Variants in FADS3 observed in about 807,000 individuals in gnomAD.
FADS3 encodes fatty acid desaturase 3, also known as cytochrome b5-related protein.
FADS3 carries 30 observed loss-of-function variants against 60.4 expected under a neutral mutation model. The ratio of observed to expected loss-of-function variants is 0.50; its 90% CI spans 0.37 to 0.67. The LOEUF (loss-of-function observed/expected upper bound fraction) is 0.67, where lower values mean the gene tolerates loss of function less well. Among genes scored for constraint, FADS3 ranks in the 30% least tolerant of loss-of-function variants. The probability of loss-of-function intolerance (pLI) is 0.00; values close to 1 mark genes in which losing one functional copy is unlikely to be tolerated. For missense variants in FADS3, 432 were observed against 598.3 expected, an observed-to-expected ratio of 0.72 and a Z score of 2.90; for synonymous variants, 234 against 249.3, an observed-to-expected ratio of 0.94 and a Z score of 0.58.
Position 61,879,390 on chromosome 11 carries a change from C to T in FADS3, c.444G>A (p.Leu148=). Residue 148 remains leucine, a synonymous_variant, in exon 3 of 12, where the codon CTG becomes CTA. Coordinates refer to ENST00000278829, the MANE Select transcript of FADS3 (RefSeq NM_021727.5). ...LLGHILAMEV[L]AWLLIYLLGP... is the part of the protein sequence containing the mutation. The stretch of plus-strand genomic sequence containing the variant: ...CCAGGAGGTAGATAAGGAGCCAGGC[C>T]AGCACCTCCATGGCCAGGATGTGGC... 3 of 1,583,004 alleles carry T rather than the reference C, an allele frequency of 1.9e-6. No individual in the cohort carries two copies. Among genetic ancestry groups the T allele is most frequent in the Non-Finnish European group, 2.6e-6 (3 of 1,165,160 alleles).
chr11:61,878,391 G>A (rs1261552447), intron 5 of FADS3, 121 bp downstream of exon 5: 23 of 1,452,682 alleles, frequency 1.6e-5, no homozygotes, highest in Non-Finnish European at 2.1e-5. Flanking sequence ...GGCAGAGCTT[G>A]GCCCAGCCAG....
Position 61,877,330 on chromosome 11 carries a change from G to A in FADS3, c.885+181C>T. ...CCCCCCACCACACGTACAGTCACGG[G>A]CACACTCGCTCTCCTGCTGCGCGCA... On this transcript the variant is annotated intron_variant, in intron 7 of 11. Coordinates refer to ENST00000278829, the MANE Select transcript of FADS3 (RefSeq NM_021727.5). This position sits in a 1 kb window ranked among gnomAD's most constrained non-coding sequence, Gnocchi z 4.7. The A allele has an allele frequency of 1.8e-6, 1 of 558,372 alleles. No individual in the cohort carries two copies. Among genetic ancestry groups the A allele is most frequent in the Non-Finnish European group, 3.1e-6 (1 of 317,500 alleles). The allele number at this position is 558,372 out of a possible 1,614,324, so 34.6% of individuals were successfully genotyped here.
chr11:61,878,199 C>T lies in FADS3; in HGVS notation c.764G>A (p.Arg255His), dbSNP rs770308115. The change falls in exon 6 of 12, where the codon CGC becomes CAC. Residue 255 changes from arginine to histidine, a missense_variant. Arg to His is a conservative substitution (Grantham distance 29, BLOSUM62 0). Coordinates refer to ENST00000278829, the MANE Select transcript of FADS3 (RefSeq NM_021727.5). ...ESSVEYGKKK[R>H]RYLPYNQQHL... ...CTGCTGGTTGTAGGGTAGGTATCTG[C>T]GTTTCTTCTTGCCATACTGTGGAGA... The T allele has an allele frequency of 6.8e-6, 11 of 1,614,152 alleles. No individual in the cohort carries two copies. The highest frequency in any genetic ancestry group is 8.5e-6 in the Non-Finnish European group (10 of 1,180,010).
chr11:61,891,425 C>T lies in FADS3; in HGVS notation c.-44G>A. ...GGGGATCCCAGGCGGTGGCCGAGGTCCGAGCAAGACCCCGAGGGAAGCGAA... is the reference window on the plus strand; with the variant it reads ...GGGGATCCCAGGCGGTGGCCGAGGTTCGAGCAAGACCCCGAGGGAAGCGAA... On this transcript the variant is annotated 5_prime_UTR_variant, in exon 1 of 12. Transcript: ENST00000278829. 1 of 1,324,368 alleles carries T rather than the reference C, an allele frequency of 7.6e-7. No homozygotes were observed. The highest frequency in any genetic ancestry group is 9.7e-7 in the Non-Finnish European group (1 of 1,029,236). The allele number at this position is 1,324,368 out of a possible 1,614,324, so 82.0% of individuals were successfully genotyped here. A position where few individuals can be genotyped will look rare whatever the true frequency, so the allele number is the denominator to read the frequency against.
Position 61,873,774 on chromosome 11 carries a change from T to C in FADS3, c.*40A>G, listed in dbSNP as rs1454837259. On this transcript the variant is annotated 3_prime_UTR_variant, in exon 12 of 12. Coordinates refer to ENST00000278829, the MANE Select transcript of FADS3 (RefSeq NM_021727.5). ...TCCCGCCGGGGGCTGGCTTGGTTGC[T>C]GGTGCCCTGAGCCCTTCTCTGCCCG... 1.3e-6 allele frequency: 2 copies of C among 1,568,048 alleles called. No individual in the cohort carries two copies. Among genetic ancestry groups the C allele is most frequent in the Non-Finnish European group, 1.7e-6 (2 of 1,146,964 alleles).
In FADS3 at chr11:61,879,641, C is replaced by T. The variant is rs1938050534; in HGVS notation, c.325-132G>A. The T allele has an allele frequency of 5.7e-6, 5 of 875,612 alleles. No individual in the cohort carries two copies. In the South Asian group the frequency reaches 8.3e-5, roughly 15 times the overall value. The allele number at this position is 875,612 out of a possible 1,614,324, so 54.2% of individuals were successfully genotyped here. A position where few individuals can be genotyped will look rare whatever the true frequency, so the allele number is the denominator to read the frequency against. On this transcript the variant is annotated intron_variant, in intron 2 of 11. Transcript: ENST00000278829. ...AAAGAGGAATGAAGTGACAAGAGTA[C>T]CCAGCCCGGGGTGTGAGCTGGAGCA... is the stretch of plus-strand genomic sequence containing the variant.
At chr11:61,888,177 T>A (rs969619688) in intron 1 of FADS3, among the ~76,000 whole-genome samples, 73 of 152,330 alleles carry the variant, frequency 4.8e-4, no homozygotes, top group African/African-American at 1.4e-3. Flanking sequence ...CCCGGCCTTG[T>A]GTCCCAAGAT....
At chr11:61,888,626 C>A (rs905258854) in intron 1 of FADS3, among the ~76,000 whole-genome samples, 1 of 152,202 alleles carries the variant, frequency 6.6e-6, no homozygotes, top group Non-Finnish European at 1.5e-5. Context: ...GGTAGCCGTG[C>A]AGGGCTGTCC....
chr11:61,878,127 C>T (rs779549009), intron 6 of FADS3, 28 bp downstream of exon 6: 5 of 1,608,250 alleles, frequency 3.1e-6, no homozygotes, highest in South Asian at 1.1e-5. Flanking sequence ...GGCACTCCCC[C>T]ACCCCAGAAG....
chr11:61,886,955 C>T (rs187415048), intron 1 of FADS3, among the ~76,000 whole-genome samples: 202 of 152,278 alleles, frequency 1.3e-3, no homozygotes, highest in Non-Finnish European at 2.2e-3. Flanking sequence ...TGGATTTTCC[C>T]ACAGTTGTTA....
intron 11 of FADS3, among the ~76,000 whole-genome samples, chr11:61,874,499 T>A (rs1162722311): frequency 6.6e-6 from 1 of 152,226 alleles, no homozygotes; most frequent in Non-Finnish European, 1.5e-5. Context: ...CTGAGCCCCA[T>A]CACCCCTCGC....
At chr11:61,889,679 C>G (rs1458947902) in intron 1 of FADS3, among the ~76,000 whole-genome samples, 1 of 150,986 alleles carries the variant, frequency 6.6e-6, no homozygotes, top group East Asian at 2.0e-4. Flanking sequence ...TTTTCTGTAT[C>G]CATACTGTCC....
intron 1 of FADS3, chr11:61,890,120 TC>T (rs68112215): frequency 0.59 from 86,757 of 147,986 alleles, 28,198 homozygotes; most frequent in Non-Finnish European, 0.74. Context: ...CAAGGCGTTC[TC>T]TTTTTTTTTT....
intron 1 of FADS3, among the ~76,000 whole-genome samples, chr11:61,889,653 T>C (rs995679000): frequency 6.6e-6 from 1 of 150,822 alleles, no homozygotes; most frequent in Non-Finnish European, 1.5e-5. Flanking sequence ...TCTCCGGCGG[T>C]TGGTGGGGAG....
At chr11:61,879,590 C>T in intron 2 of FADS3, 81 bp from the exon 3 acceptor site, 1 of 1,356,754 alleles carries the variant, frequency 7.4e-7, no homozygotes, top group South Asian at 1.3e-5. Context: ...CCGCTCCTCC[C>T]ATCGCCAGGC....
chr11:61,886,377 G>C (rs1938318519), intron 1 of FADS3: 1 of 152,306 alleles, frequency 6.6e-6, no homozygotes, highest in Admixed American at 6.5e-5. Flanking sequence ...CACAAGGAAG[G>C]AGCAAGGCAC....
At chr11:61,886,557 T>C (rs1460242530) in intron 1 of FADS3, among the ~76,000 whole-genome samples, 1 of 152,096 alleles carries the variant, frequency 6.6e-6, no homozygotes, top group Non-Finnish European at 1.5e-5. Context: ...AACCAACTCC[T>C]GTGGCCTCAG....
intron 3 of FADS3, 75 bp from the exon 4 acceptor site, chr11:61,878,922 T>G (rs1268581288): frequency 8.0e-7 from 1 of 1,250,638 alleles, no homozygotes; most frequent in Non-Finnish European, 1.1e-6. Context: ...AGTGAATCCT[T>G]TCAGCTTGCA....
chr11:61,889,931 G>C (rs1013765778), intron 1 of FADS3, among the ~76,000 whole-genome samples: 11 of 152,198 alleles, frequency 7.2e-5, no homozygotes, highest in Non-Finnish European at 1.2e-4. Context: ...GGCTCAGCAA[G>C]GCCTTTGGGG....
Sources: allele counts gnomAD v4.1 joint callset (sites outside exome capture counted in the v4.1 genomes callset), GRCh38; gene constraint gnomAD v4.1.1; non-coding constraint Gnocchi (gnomAD v3.1); transcripts MANE v1.5; gene names NCBI Gene and HGNC (gene_info 2026-07-23, HGNC 2026-07-21).